The following ZNF503 variants were observed in gnomAD, a reference collection of about 807,000 sequenced individuals.
ZNF503 encodes the protein NocA-like zinc finger 2.
A neutral mutation model predicts 34.4 loss-of-function variants in ZNF503; 15 were observed. The ratio of observed to expected loss-of-function variants is 0.44; its 90% CI spans 0.29 to 0.67. The LOEUF is 0.67. ZNF503 is among the 30% of genes least tolerant of loss of function. ZNF503 has a pLI of 0.13. For synonymous variants in ZNF503, 580 were observed against 456.8 expected, an observed-to-expected ratio of 1.27 and a Z score of -3.44; for missense variants, 1,007 against 926.8, an observed-to-expected ratio of 1.09 and a Z score of -1.12.
At chr10:75,350,127 A>G in the ZNF503 span, among the ~76,000 whole-genome samples, 1 of 152,200 alleles carries the variant, frequency 6.6e-6, no homozygotes, top group Non-Finnish European at 1.5e-5. Context: ...TTCAGGAAGG[A>G]CACTAGAAAA....
At chr10:75,329,415 T>TTCCTTCCTTCCTTCCTTCC in the ZNF503 span, among the ~76,000 whole-genome samples, 81 of 90,408 alleles carry the variant, frequency 9.0e-4, no homozygotes, top group African/African-American at 3.4e-3. Context: ...CCTTCCTTCC[T>TTCCTTCCTTCCTTCCTTCC]TTCCTTCCTT....
rs1296431103 is a variant in ZNF503 at position 75,401,171 on chromosome 10, T to C, written c.249A>G (p.Arg83=). Reference sequence around the variant, plus strand: ...ACTCGGGGTGCAAAATGTGGCCAGTTCGTGCCGTCAGCATCTTCAGCACCT... The same window carrying C: ...ACTCGGGGTGCAAAATGTGGCCAGTCCGTGCCGTCAGCATCTTCAGCACCT... ...PIKVLKMLTA[R]TGHILHPEYL... The change falls in exon 1 of 2, where the codon CGA becomes CGG. Residue 83 remains arginine (R), a synonymous_variant. Coordinates refer to ENST00000372524, the MANE Select transcript of ZNF503 (RefSeq NM_032772.6). The C allele has an allele frequency of 1.9e-6, 3 of 1,611,370 alleles. No homozygotes were observed. The East Asian group carries it at 6.7e-5, about 36-fold the overall frequency.
chr10:75,331,371 A>G, the ZNF503 span, among the ~76,000 whole-genome samples: 12 of 152,372 alleles, frequency 7.9e-5, no homozygotes, highest in South Asian at 2.3e-3. Flanking sequence ...TTCTGTCTAG[A>G]TGATTTGTCC....
the ZNF503 span, among the ~76,000 whole-genome samples, chr10:75,300,650 C>CCGTT: frequency 6.6e-6 from 1 of 151,808 alleles, no homozygotes; most frequent in Admixed American, 6.6e-5. Context: ...GCCAGTCCCT[C>CCGTT]CGTTCGGGGT....
chr10:75,334,358 T>C, the ZNF503 span, among the ~76,000 whole-genome samples: 2 of 152,388 alleles, frequency 1.3e-5, no homozygotes, highest in African/African-American at 4.8e-5. Context: ...TTTAAAAAAC[T>C]GTATCTGAGA....
At chr10:75,330,436 T>G in the ZNF503 span, among the ~76,000 whole-genome samples, 38 of 152,348 alleles carry the variant, frequency 2.5e-4, 1 homozygote, top group Middle Eastern at 0.014. Context: ...TATCGGTTCT[T>G]CTTTACAGGT....
the ZNF503 span, among the ~76,000 whole-genome samples, chr10:75,319,356 CAG>C: frequency 1.3e-5 from 2 of 152,114 alleles, no homozygotes; most frequent in African/African-American, 4.8e-5. Flanking sequence ...TTGTTGTAAA[CAG>C]GGGAGAGAAA....
the ZNF503 span, among the ~76,000 whole-genome samples, chr10:75,334,022 C>T: frequency 0.019 from 2,427 of 124,572 alleles, 33 homozygotes; most frequent in Middle Eastern, 0.035. Flanking sequence ...GATGGGATGG[C>T]GGCCGGGCGG....
chr10:75,327,236 A>G, the ZNF503 span, among the ~76,000 whole-genome samples: 9 of 52,198 alleles, frequency 1.7e-4, no homozygotes, highest in African/African-American at 6.5e-4. Context: ...ATTCCCACCC[A>G]CCCTGCCCCT....
downstream of ZNF503, among the ~76,000 whole-genome samples, chr10:75,396,929 C>G (rs1843707600): frequency 6.6e-6 from 1 of 151,600 alleles, no homozygotes; most frequent in African/African-American, 2.4e-5. This position sits in a 1 kb window ranked among gnomAD's most constrained non-coding sequence, Gnocchi z 4.4. Flanking sequence ...GGGGAGAAGA[C>G]AGCGGCCCGC....
chr10:75,298,711 A>G, the ZNF503 span, among the ~76,000 whole-genome samples: 1 of 152,158 alleles, frequency 6.6e-6, no homozygotes, highest in Non-Finnish European at 1.5e-5. Context: ...TTGGGTATAT[A>G]TGTAGGAGTG....
the ZNF503 span, among the ~76,000 whole-genome samples, chr10:75,381,549 T>G: frequency 6.6e-6 from 1 of 152,078 alleles, no homozygotes; most frequent in East Asian, 1.9e-4. Context: ...AGGGAAGGGG[T>G]ACACTTTTCT....
At chr10:75,381,573 T>C in the ZNF503 span, among the ~76,000 whole-genome samples, 12 of 152,058 alleles carry the variant, frequency 7.9e-5, no homozygotes, top group Non-Finnish European at 1.6e-4. Flanking sequence ...CTTATTCCTG[T>C]TGGCTGAGAG....
the ZNF503 span, among the ~76,000 whole-genome samples, chr10:75,314,823 CAT>C: frequency 6.6e-6 from 1 of 152,110 alleles, no homozygotes; most frequent in Non-Finnish European, 1.5e-5. Flanking sequence ...ATGAAGGAGA[CAT>C]AAAGACTTTT....
At chr10:75,341,370 C>T in the ZNF503 span, among the ~76,000 whole-genome samples, 6 of 152,238 alleles carry the variant, frequency 3.9e-5, no homozygotes, top group Middle Eastern at 6.8e-3. Context: ...TAGGAAAAGT[C>T]TGTGAAAATA....
downstream of ZNF503, among the ~76,000 whole-genome samples, chr10:75,397,447 C>T (rs1342154846): frequency 2.0e-5 from 3 of 152,170 alleles, no homozygotes; most frequent in East Asian, 5.8e-4. Context: ...CGGCGAGTCC[C>T]GGCCTGCTCC....
the ZNF503 span, among the ~76,000 whole-genome samples, chr10:75,360,269 C>T: frequency 1.1e-4 from 16 of 148,266 alleles, no homozygotes; most frequent in South Asian, 4.3e-4. Context: ...TACAGGCGCC[C>T]GCCACCACGC....
the ZNF503 span, among the ~76,000 whole-genome samples, chr10:75,390,698 G>C: frequency 6.6e-6 from 1 of 152,190 alleles, no homozygotes; most frequent in African/African-American, 2.4e-5. Context: ...CTCTGGTTCT[G>C]GGTGACACCA....
At chr10:75,392,965 T>C (rs1488616347), downstream of ZNF503, among the ~76,000 whole-genome samples, 4 of 152,326 alleles carry the variant, frequency 2.6e-5, no homozygotes, top group South Asian at 4.1e-4. Context: ...GACTCAGCCT[T>C]AGATATGAGT....
Sources: gnomAD v4.1 joint callset for allele counts (sites outside exome capture counted in the v4.1 genomes callset) on GRCh38, gnomAD v4.1.1 for gene constraint, Gnocchi (gnomAD v3.1) non-coding constraint, MANE v1.5 for transcripts, NCBI Gene and HGNC (gene_info 2026-07-23, HGNC 2026-07-21) for gene names.